Variants in CFAP95 observed in about 807,000 individuals in gnomAD.
CFAP95 encodes cilia- and flagella-associated protein 95.
the CFAP95 span, among the ~76,000 whole-genome samples, chr9:69,886,304 G>A: frequency 6.6e-6 from 1 of 152,050 alleles, no homozygotes; most frequent in Non-Finnish European, 1.5e-5. Flanking sequence ...CACTTTAGGT[G>A]CTTAAAGATG....
At chr9:69,864,831 G>T in the CFAP95 span, among the ~76,000 whole-genome samples, 3 of 152,108 alleles carry the variant, frequency 2.0e-5, no homozygotes, top group African/African-American at 4.8e-5. Context: ...TACAGTACAG[G>T]ACATTTATTT....
chr9:69,880,492 A>G, the CFAP95 span, among the ~76,000 whole-genome samples: 1 of 152,194 alleles, frequency 6.6e-6, no homozygotes, highest in Non-Finnish European at 1.5e-5. Context: ...ACAGAATCTC[A>G]TTCTTTTTAA....
the CFAP95 span, among the ~76,000 whole-genome samples, chr9:69,849,030 C>T: frequency 6.6e-6 from 1 of 152,308 alleles, no homozygotes; most frequent in East Asian, 1.9e-4. Flanking sequence ...GTTCAATAAG[C>T]CAGTTGCCCT....
the CFAP95 span, among the ~76,000 whole-genome samples, chr9:69,874,732 A>G: frequency 6.6e-6 from 1 of 152,134 alleles, no homozygotes; most frequent in South Asian, 2.1e-4. Flanking sequence ...AGTAGTTTCT[A>G]TTAAGAAAAG....
the CFAP95 span, among the ~76,000 whole-genome samples, chr9:69,891,647 C>T: frequency 6.6e-6 from 1 of 152,048 alleles, no homozygotes; most frequent in Admixed American, 6.6e-5. Flanking sequence ...TGCACATATA[C>T]CTCTGAACTT....
chr9:69,871,368 G>T, the CFAP95 span, among the ~76,000 whole-genome samples: 6 of 152,160 alleles, frequency 3.9e-5, no homozygotes, highest in Non-Finnish European at 8.8e-5. Flanking sequence ...TGAAAGCCAT[G>T]CTGAGTTTGG....
At chr9:69,856,752 G>A in the CFAP95 span, 1 of 898,240 alleles carries the variant, frequency 1.1e-6, no homozygotes, top group South Asian at 1.6e-5. Flanking sequence ...AAGGTATAGT[G>A]ACCCCAGTTC....
At chr9:69,856,618 A>G in the CFAP95 span, 17 of 1,613,030 alleles carry the variant, frequency 1.1e-5, no homozygotes, top group East Asian at 3.4e-4. Flanking sequence ...ATGGGTTGAA[A>G]TGAAGAGCAA....
chr9:69,834,435 A>G, the CFAP95 span, among the ~76,000 whole-genome samples: 1 of 152,184 alleles, frequency 6.6e-6, no homozygotes, highest in Non-Finnish European at 1.5e-5. Context: ...TCCCTCTAAA[A>G]GTGTCCCAGG....
chr9:69,820,954 C>G, the CFAP95 span: 7 of 1,614,082 alleles, frequency 4.3e-6, no homozygotes, highest in Non-Finnish European at 5.1e-6. Context: ...GACCACCGGA[C>G]TTGGTGGAGC....
chr9:69,870,293 GA>G, the CFAP95 span, among the ~76,000 whole-genome samples: 15 of 152,170 alleles, frequency 9.9e-5, no homozygotes, highest in South Asian at 1.2e-3. Context: ...GTATGAGACA[GA>G]AAAACAACCA....
the CFAP95 span, among the ~76,000 whole-genome samples, chr9:69,896,978 C>A: frequency 6.6e-6 from 1 of 152,174 alleles, no homozygotes; most frequent in Non-Finnish European, 1.5e-5. Flanking sequence ...AGATACCCAT[C>A]CCCCATTGGT....
chr9:69,886,824 C>T, the CFAP95 span: 1 of 1,607,058 alleles, frequency 6.2e-7, no homozygotes, highest in Non-Finnish European at 8.5e-7. Context: ...TCCTCATTGA[C>T]TTATCCCTCT....
the CFAP95 span, among the ~76,000 whole-genome samples, chr9:69,843,393 T>C: frequency 6.6e-6 from 1 of 150,442 alleles, no homozygotes; most frequent in Non-Finnish European, 1.5e-5. Context: ...TGCCAGCCAC[T>C]TCTCCTACTT....
the CFAP95 span, among the ~76,000 whole-genome samples, chr9:69,861,853 A>T: frequency 1.6e-4 from 5 of 31,208 alleles, no homozygotes; most frequent in Non-Finnish European, 3.3e-4. Flanking sequence ...CAGAGTTATC[A>T]GAGACTTGAT....
chr9:69,882,578 T>C, the CFAP95 span, among the ~76,000 whole-genome samples: 2 of 152,244 alleles, frequency 1.3e-5, no homozygotes, highest in Non-Finnish European at 2.9e-5. Flanking sequence ...ACACTAGCTG[T>C]GGGTCTGTCA....
the CFAP95 span, among the ~76,000 whole-genome samples, chr9:69,833,404 G>T: frequency 4.6e-5 from 7 of 152,184 alleles, no homozygotes; most frequent in Non-Finnish European, 2.9e-5. Context: ...GTTTCGCCAT[G>T]TTGGGCAGGC....
chr9:69,834,368 T>C, the CFAP95 span, among the ~76,000 whole-genome samples: 1 of 152,210 alleles, frequency 6.6e-6, no homozygotes, highest in Non-Finnish European at 1.5e-5. Context: ...GTACTCACCC[T>C]GGTTTGACAA....
the CFAP95 span, among the ~76,000 whole-genome samples, chr9:69,835,859 C>T: frequency 3.9e-5 from 6 of 152,208 alleles, no homozygotes; most frequent in African/African-American, 1.4e-4. Context: ...AAACATACAA[C>T]CACAGAAACC....
Sources: gnomAD v4.1 joint callset for allele counts (sites outside exome capture counted in the v4.1 genomes callset) on GRCh38, gnomAD v4.1.1 for gene constraint, MANE v1.5 for transcripts, NCBI Gene and HGNC (gene_info 2026-07-23, HGNC 2026-07-21) for gene names.